Variants in SHISA6 observed in about 807,000 individuals in gnomAD.
SHISA6 encodes the protein shisa family member 6.
Under a neutral mutation model 47.9 loss-of-function variants are expected in SHISA6, and 22 were observed. The observed-to-expected ratio is 0.46, with a 90% CI of 0.33 to 0.66. The LOEUF (loss-of-function observed/expected upper bound fraction) is 0.66, where lower values mean the gene tolerates loss of function less well. SHISA6 is among the 30% of genes least tolerant of loss of function. The pLI is 0.02. For missense variants in SHISA6, 680 were observed against 764.6 expected, an observed-to-expected ratio of 0.89 and a Z score of 1.30; for synonymous variants, 388 against 337.8, an observed-to-expected ratio of 1.15 and a Z score of -1.63.
chr17:11,514,215 C>A (rs2071564032), intron 3 of SHISA6, among the ~76,000 whole-genome samples: 1 of 152,148 alleles, frequency 6.6e-6, no homozygotes, highest in Non-Finnish European at 1.5e-5. Flanking sequence ...TCCTGCCAGT[C>A]CTGTCTTTTA....
intron 1 of SHISA6, 36 bp downstream of exon 1, chr17:11,242,096 C>T (rs1181654883): frequency 5.8e-6 from 9 of 1,547,270 alleles, no homozygotes; most frequent in East Asian, 2.4e-5. Context: ...CCGGTCTCCC[C>T]GCGGCCTCAC....
intron 3 of SHISA6, among the ~76,000 whole-genome samples, chr17:11,468,299 C>T (rs1201929157): frequency 2.0e-5 from 3 of 151,930 alleles, no homozygotes; most frequent in Admixed American, 2.0e-4. Context: ...TGTAGCCATG[C>T]TCTAAGATGC....
rs113287260 is a variant in SHISA6, at chr17:11,277,280, T to TCACACACA, written c.799+13786_799+13793dup. ...CTCTCTCTCTCTCTCTCTCTCTCTCTCACACACACACACACACACACACAC... is the reference window on the plus strand; with the variant it reads ...CTCTCTCTCTCTCTCTCTCTCTCTCTCACACACACACACACACACACACACACACACAC... On this transcript the variant is annotated intron_variant, in intron 2 of 5. Transcript: ENST00000441885. Among the ~76,000 whole-genome samples the TCACACACA allele has an allele frequency of 3.2e-3, 170 of 53,860 alleles. 2 individuals are homozygous for TCACACACA. Among genetic ancestry groups the TCACACACA allele is most frequent in the Admixed American group, 6.7e-3 (24 of 3,586 alleles). The allele number at this position is 53,860 out of a possible 152,430, so 35.3% of individuals were successfully genotyped here. A position where few individuals can be genotyped will look rare whatever the true frequency, so the allele number is the denominator to read the frequency against.
intron 2 of SHISA6, among the ~76,000 whole-genome samples, chr17:11,265,011 A>T (rs1324309495): frequency 6.6e-6 from 1 of 152,184 alleles, no homozygotes; most frequent in East Asian, 1.9e-4. Flanking sequence ...AAAATGTCTA[A>T]GATGCATTTT....
At position 11,301,021 on chromosome 17, in the gene SHISA6, T is replaced by G. The variant is rs115489556; in HGVS notation, c.799+37495T>G. 9.1e-3 allele frequency among the ~76,000 whole-genome samples: 1,388 copies of G among 152,256 alleles called. 21 individuals are homozygous for G. The highest frequency in any genetic ancestry group is 0.031 in the African/African-American group (1,289 of 41,542). ...CAAGGGAAACACGTTTAAAGAGTTT[T>G]TTTGCAAGGCCTGAAGCAAAAGAAC... On this transcript the variant is annotated intron_variant, in intron 2 of 5. Coordinates refer to ENST00000441885, the MANE Select transcript of SHISA6 (RefSeq NM_207386.4).
intron 2 of SHISA6, among the ~76,000 whole-genome samples, chr17:11,357,209 T>TGAAGAA (rs888640984): frequency 3.2e-4 from 23 of 71,244 alleles, no homozygotes; most frequent in Non-Finnish European, 5.5e-4. Flanking sequence ...AAAAAAAAAA[T>TGAAGAA]GAAGAAGAAG....
intron 3 of SHISA6, among the ~76,000 whole-genome samples, chr17:11,470,345 C>T (rs1015760345): frequency 2.0e-5 from 3 of 152,142 alleles, no homozygotes; most frequent in Non-Finnish European, 4.4e-5. Flanking sequence ...ACTCAAATGG[C>T]CAATTATGCA....
chr17:11,444,912 C>T (rs139412841), intron 3 of SHISA6, among the ~76,000 whole-genome samples: 122 of 152,250 alleles, frequency 8.0e-4, no homozygotes, highest in Non-Finnish European at 1.1e-3. Context: ...ACAAGTTCCA[C>T]AGAGGAGATC....
chr17:11,562,329 C>T lies in SHISA6; in HGVS notation c.*4025C>T, dbSNP rs1239486211. ...TAAAATGAAAGGGCTGCCAATCACT[C>T]GGACTCCAGAAGGTGCCTGCCCTGA... is the stretch of plus-strand genomic sequence containing the variant. On this transcript the variant is annotated 3_prime_UTR_variant, in exon 6 of 6. Coordinates refer to ENST00000441885, the MANE Select transcript of SHISA6 (RefSeq NM_207386.4). 6.6e-6 allele frequency: 1 copy of T among 152,062 alleles called. No homozygotes were observed. The highest frequency in any genetic ancestry group is 1.5e-5 in the Non-Finnish European group (1 of 68,020). The allele number at this position is 152,062 out of a possible 1,614,324, so 9.4% of individuals were successfully genotyped here. A position where few individuals can be genotyped will look rare whatever the true frequency, so the allele number is the denominator to read the frequency against.
intron 2 of SHISA6, among the ~76,000 whole-genome samples, chr17:11,277,307 CA>C (rs1908956313): frequency 6.6e-6 from 1 of 151,022 alleles, no homozygotes; most frequent in African/African-American, 2.4e-5. Context: ...CACACACACA[CA>C]CACACACACA....
chr17:11,438,347 T>C (rs2142295086), intron 3 of SHISA6, among the ~76,000 whole-genome samples: 1 of 152,258 alleles, frequency 6.6e-6, no homozygotes, highest in African/African-American at 2.4e-5. Context: ...CATAACAAAA[T>C]AACACAGACT....
At chr17:11,501,838 C>T (rs2071456417) in intron 3 of SHISA6, among the ~76,000 whole-genome samples, 1 of 152,112 alleles carries the variant, frequency 6.6e-6, no homozygotes, top group African/African-American at 2.4e-5. Context: ...CAAGAGAGCT[C>T]TTGTTCTCTC....
chr17:11,469,628 G>T (rs2969233), intron 3 of SHISA6, among the ~76,000 whole-genome samples: 1 of 151,894 alleles, frequency 6.6e-6, no homozygotes, highest in Non-Finnish European at 1.5e-5. Flanking sequence ...AATGAGCCTC[G>T]TGGGAGGTGT....
intron 3 of SHISA6, among the ~76,000 whole-genome samples, chr17:11,501,710 A>C (rs1180316336): frequency 6.6e-6 from 1 of 152,054 alleles, no homozygotes; most frequent in Admixed American, 6.6e-5. Flanking sequence ...AGAGAGAGAG[A>C]GACAGAGAGA....
intron 1 of SHISA6, among the ~76,000 whole-genome samples, chr17:11,259,407 G>C (rs12150404): frequency 0.76 from 115,311 of 152,182 alleles, 48,392 homozygotes; most frequent in Non-Finnish European, 0.92. Flanking sequence ...GTAAGAGCCA[G>C]TGTCTGGGAC....
At chr17:11,283,531 G>A (rs911071629) in intron 2 of SHISA6, among the ~76,000 whole-genome samples, 4 of 152,164 alleles carry the variant, frequency 2.6e-5, no homozygotes, top group Admixed American at 6.5e-5. Context: ...ATGCATGCAC[G>A]TGCTAATTTT....
intron 3 of SHISA6, among the ~76,000 whole-genome samples, chr17:11,499,683 C>CTTTTTTTTTTTTTTTTTTTTTTTTT (rs372464937): frequency 1.6e-5 from 2 of 127,562 alleles, no homozygotes; most frequent in Non-Finnish European, 3.3e-5. Flanking sequence ...CTTTTTCTTT[C>CTTTTTTTTTTTTTTTTTTTTTTTTT]TTTTTTTTTT....
Position 11,242,011 on chromosome 17 carries a change from G to T in SHISA6, c.589G>T (p.Val197Phe). The T allele has an allele frequency of 6.4e-7, 1 of 1,551,038 alleles. No homozygotes were observed. Among genetic ancestry groups the T allele is most frequent in the Non-Finnish European group, 8.7e-7 (1 of 1,147,008 alleles). Residue 197 changes from valine to phenylalanine, a missense_variant, in exon 1 of 6, where the codon GTC (valine) becomes TTC (phenylalanine). Val to Phe is a conservative substitution (Grantham distance 50). Around this residue, in one of 2 missense-constraint regions of SHISA6, gnomAD observed 559 missense variants for 674.1 expected, o/e 0.83. Coordinates refer to ENST00000441885, the MANE Select transcript of SHISA6 (RefSeq NM_207386.4). ...FVIVAGVFAK[V>F]SYDKAHRPPR... ...CATCGTGGCCGGCGTCTTCGCCAAG[G>T]TCTCCTACGACAAGGCCCACCGCCC...
At chr17:11,282,028 C>T (rs752821124) in intron 2 of SHISA6, among the ~76,000 whole-genome samples, 3 of 152,134 alleles carry the variant, frequency 2.0e-5, no homozygotes, top group Admixed American at 6.5e-5. Context: ...TGCTTGGTCT[C>T]TTGGAAGAAA....
Sources: gnomAD v4.1 joint callset for allele counts (sites outside exome capture counted in the v4.1 genomes callset) on GRCh38, gnomAD v4.1.1 for gene constraint, gnomAD v4.1.1 regional missense constraint, MANE v1.5 for transcripts, NCBI Gene and HGNC (gene_info 2026-07-23, HGNC 2026-07-21) for gene names.